Variants in WNT7B observed in about 807,000 individuals in gnomAD.
WNT7B encodes Wnt family member 7B, also known as protein Wnt-7b.
A neutral mutation model predicts 38.2 loss-of-function variants in WNT7B; 19 were observed. The observed-to-expected ratio is 0.50, with a 90% CI of 0.35 to 0.73. The LOEUF (loss-of-function observed/expected upper bound fraction) is 0.73, where lower values mean the gene tolerates loss of function less well. WNT7B is among the 30% of genes least tolerant of loss of function. WNT7B has a pLI of 0.01. For missense variants in WNT7B, 423 were observed against 507.9 expected (o/e 0.83, Z 1.61); for synonymous variants, 243 against 209.3 (o/e 1.16, Z -1.39).
intron 1 of WNT7B, among the ~76,000 whole-genome samples, chr22:45,967,073 T>A (rs1029729113): frequency 6.6e-6 from 1 of 151,738 alleles, no homozygotes; most frequent in African/African-American, 2.4e-5. Context: ...GCAGGCTGAG[T>A]GGGAAGACAA....
chr22:45,923,074 A>G lies in WNT7B; in HGVS notation c.832T>C (p.Cys278Arg), dbSNP rs1451228776. ...LVYIEKSPNY[C>R]EEDAATGSVG... ...CTGCCCGTGGCCGCGTCCTCCTCGCAGTAGTTGGGCGACTTCTCAATGTAC... is the reference window on the plus strand; with the variant it reads ...CTGCCCGTGGCCGCGTCCTCCTCGCGGTAGTTGGGCGACTTCTCAATGTAC... Residue 278 changes from cysteine to arginine, a missense_variant, in exon 4 of 4, where the codon TGC becomes CGC. Physicochemically the swap from Cys to Arg is radical, Grantham distance 180 (BLOSUM62 -3). Coordinates refer to ENST00000339464, the MANE Select transcript of WNT7B (RefSeq NM_058238.3). 1 of 1,613,344 alleles carries G rather than the reference A, an allele frequency of 6.2e-7. No individual in the cohort carries two copies. Among genetic ancestry groups the G allele is most frequent in the Non-Finnish European group, 8.5e-7 (1 of 1,179,794 alleles).
At chr22:45,956,883 G>A (rs1008411170) in intron 1 of WNT7B, among the ~76,000 whole-genome samples, 1 of 152,160 alleles carries the variant, frequency 6.6e-6, no homozygotes, top group Non-Finnish European at 1.5e-5. Context: ...TGAGATGGGT[G>A]GATCATGAAG....
intron 2 of WNT7B, chr22:45,936,082 CA>C (rs1360996353): frequency 1.0e-6 from 1 of 985,314 alleles, no homozygotes; most frequent in African/African-American, 1.7e-5. Context: ...GGCCACCCCT[CA>C]CCCCACAGCC....
rs868868190 is a variant in WNT7B, at chr22:45,925,403, C to T, written c.571-2068G>A. On this transcript the variant is annotated intron_variant, in intron 3 of 3. Transcript: ENST00000339464. ...GGAGGTGGGAGAGGGAGGCTGATGT[C>T]CCTCCCAGGATGGCAGAGGGTGGGA... 146 of 985,332 alleles carry T rather than the reference C, an allele frequency of 1.5e-4. No individual in the cohort carries two copies. In the Middle Eastern group the frequency reaches 3.1e-3, roughly 21 times the overall value. The allele number at this position is 985,332 out of a possible 1,614,324, so 61.0% of individuals were successfully genotyped here.
chr22:45,929,586 A>T (rs1358172023), intron 3 of WNT7B, among the ~76,000 whole-genome samples: 1 of 142,388 alleles, frequency 7.0e-6, no homozygotes, highest in African/African-American at 2.6e-5. Context: ...CCATACTTCC[A>T]TCCATTCATG....
At chr22:45,940,133 C>T (rs775745287) in intron 2 of WNT7B, among the ~76,000 whole-genome samples, 1 of 152,166 alleles carries the variant, frequency 6.6e-6, no homozygotes, top group Non-Finnish European at 1.5e-5. Flanking sequence ...TTAGATCTCA[C>T]TGAAGCTGTG....
chr22:45,941,213 G>T (rs930588929), intron 2 of WNT7B, among the ~76,000 whole-genome samples: 17 of 152,182 alleles, frequency 1.1e-4, no homozygotes, highest in Non-Finnish European at 2.4e-4. Flanking sequence ...GTTTAGGGAG[G>T]AAAGAGTGCA....
At chr22:45,927,564 C>G (rs180686098) in intron 3 of WNT7B, 1 of 1,250,450 alleles carries the variant, frequency 8.0e-7, no homozygotes, top group African/African-American at 1.5e-5. Context: ...CCTGGGTTGT[C>G]CAAGTAGGCC....
chr22:45,936,308 T>G (rs1569114446), intron 2 of WNT7B, among the ~76,000 whole-genome samples: 1 of 152,304 alleles, frequency 6.6e-6, no homozygotes, highest in East Asian at 1.9e-4. Flanking sequence ...TGAATGGGCA[T>G]GGTACCCACA....
chr22:45,927,578 A>G, intron 3 of WNT7B: 1 of 1,115,598 alleles, frequency 9.0e-7, no homozygotes, highest in Non-Finnish European at 1.3e-6. Flanking sequence ...GTAGGCCCTA[A>G]ATCCAATGAG....
chr22:45,962,434 C>T (rs1932217807), intron 1 of WNT7B, among the ~76,000 whole-genome samples: 1 of 152,200 alleles, frequency 6.6e-6, no homozygotes, highest in Admixed American at 6.5e-5. Context: ...GCTGGCCATA[C>T]TGGACCAGCT....
At chr22:45,942,227 T>TG (rs1208914524) in intron 2 of WNT7B, among the ~76,000 whole-genome samples, 1 of 152,164 alleles carries the variant, frequency 6.6e-6, no homozygotes, top group Non-Finnish European at 1.5e-5. Context: ...GTGTCCAGGC[T>TG]GGGGGTCTCG....
Position 45,951,784 on chromosome 22 carries a change from T to A in WNT7B, c.72-1638A>T, listed in dbSNP as rs964519507. ...AGACCATATTTTGTGTATCCATTCA[T>A]GGCTGGGCATTTCGGCTGCTTCCAC... is the stretch of plus-strand genomic sequence containing the variant. On this transcript the variant is annotated intron_variant, in intron 1 of 3. Transcript: ENST00000339464. The surrounding 1 kb of genome is among the most constrained non-coding windows in gnomAD (Gnocchi z 4.8). Among the ~76,000 whole-genome samples the A allele has an allele frequency of 6.6e-6, 1 of 152,232 alleles. No homozygotes were observed. Among genetic ancestry groups the A allele is most frequent in the Admixed American group, 6.5e-5 (1 of 15,286 alleles).
At chr22:45,934,411 G>T (rs540363681) in intron 2 of WNT7B, among the ~76,000 whole-genome samples, 2 of 152,302 alleles carry the variant, frequency 1.3e-5, no homozygotes, top group African/African-American at 4.8e-5. Flanking sequence ...GCTCTAGGGA[G>T]GCTGAGCTGG....
chr22:45,955,348 T>C (rs1292737290), intron 1 of WNT7B, among the ~76,000 whole-genome samples: 1 of 152,096 alleles, frequency 6.6e-6, no homozygotes, highest in Admixed American at 6.5e-5. Flanking sequence ...GGGGGAAAAA[T>C]ATCTACCAAC....
chr22:45,966,307 G>T lies in WNT7B; in HGVS notation c.71+10377C>A, dbSNP rs1256056531. Among the ~76,000 whole-genome samples, 1 of 152,198 alleles carries T rather than the reference G, an allele frequency of 6.6e-6. No homozygotes were observed. Among genetic ancestry groups the T allele is most frequent in the Non-Finnish European group, 1.5e-5 (1 of 68,032 alleles). On this transcript the variant is annotated intron_variant, in intron 1 of 3. Coordinates refer to ENST00000339464, the MANE Select transcript of WNT7B (RefSeq NM_058238.3). The surrounding 1 kb of genome is among the most constrained non-coding windows in gnomAD (Gnocchi z 4.2). Reference sequence around the variant, plus strand: ...CTGTCTCACCACGTGGGACTGCGCGGGCCTAAGTCTCAGCTCTGGATGCCT... The same window carrying T: ...CTGTCTCACCACGTGGGACTGCGCGTGCCTAAGTCTCAGCTCTGGATGCCT...
chr22:45,963,784 A>G (rs552533799), intron 1 of WNT7B, among the ~76,000 whole-genome samples: 2 of 152,188 alleles, frequency 1.3e-5, no homozygotes, highest in South Asian at 4.2e-4. Flanking sequence ...GGCTCTCCCC[A>G]GACTCTGAAG....
chr22:45,922,961 G>A lies in WNT7B; in HGVS notation c.945C>T (p.Thr315=). The change falls in exon 4 of 4, where the codon ACC becomes ACT. Residue 315 remains threonine (T), a synonymous_variant. Coordinates refer to ENST00000339464, the MANE Select transcript of WNT7B (RefSeq NM_058238.3). ...ACTGCCACACCTTGGTGTACTGGTG[G>A]GTGTTGTAGCCTCGGCCGCAGCACA... ...DTMCCGRGYN[T]HQYTKVWQCN... The A allele has an allele frequency of 3.7e-6, 6 of 1,613,442 alleles. No homozygotes were observed. The highest frequency in any genetic ancestry group is 5.1e-6 in the Non-Finnish European group (6 of 1,179,886).
intron 2 of WNT7B, among the ~76,000 whole-genome samples, chr22:45,939,005 A>G (rs143595114): frequency 7.9e-5 from 12 of 152,380 alleles, no homozygotes; most frequent in African/African-American, 2.9e-4. Context: ...CAGACAAAAG[A>G]TTCTCAGCAT....
Sources: allele counts gnomAD v4.1 joint callset (sites outside exome capture counted in the v4.1 genomes callset), GRCh38; gene constraint gnomAD v4.1.1; non-coding constraint Gnocchi (gnomAD v3.1); transcripts MANE v1.5; gene names NCBI Gene and HGNC (gene_info 2026-07-23, HGNC 2026-07-21).